The following CHRM3 variants were observed in gnomAD, a reference collection of about 807,000 sequenced individuals.
The protein encoded by CHRM3 is cholinergic receptor muscarinic 3.
CHRM3 carries 11 observed loss-of-function variants against 41.8 expected under a neutral mutation model. That is an observed-to-expected ratio of 0.26 (90% confidence interval 0.17 to 0.44). The LOEUF is 0.44. Among genes scored for constraint, CHRM3 ranks in the 20% least tolerant of loss-of-function variants. CHRM3 has a pLI of 1.00. For synonymous variants in CHRM3, 297 were observed against 301.4 expected (o/e 0.99, Z 0.15); for missense variants, 571 against 745.4 (o/e 0.77, Z 2.72).
rs1403398015 is a variant in CHRM3 at position 239,821,400 on chromosome 1, T to C, written c.-146-5852T>C. 2.0e-5 allele frequency among the ~76,000 whole-genome samples: 3 copies of C among 152,238 alleles called. No homozygotes were observed. In the East Asian group the frequency reaches 5.8e-4, roughly 29 times the overall value. ...GGCAAAACCACCTTGCTTTCTTTAC[T>C]TTGACATCAATGCTGGTCTTTAAGT... On this transcript the variant is annotated intron_variant, in intron 5 of 6. Transcript: ENST00000676153.
intron 4 of CHRM3, among the ~76,000 whole-genome samples, chr1:239,637,063 A>G (rs879508636): frequency 3.9e-5 from 6 of 152,220 alleles, no homozygotes; most frequent in Non-Finnish European, 8.8e-5. Flanking sequence ...AATAGTAAGT[A>G]TTGAATTTAT....
intron 1 of CHRM3, among the ~76,000 whole-genome samples, chr1:239,446,002 A>G (rs1010036478): frequency 1.3e-5 from 2 of 151,962 alleles, no homozygotes; most frequent in Admixed American, 1.3e-4. Flanking sequence ...CAGTCACGCA[A>G]TCTCGGCTCA....
At chr1:239,725,277 A>G (rs1663331590) in intron 5 of CHRM3, among the ~76,000 whole-genome samples, 3 of 152,080 alleles carry the variant, frequency 2.0e-5, no homozygotes, top group Non-Finnish European at 4.4e-5. Flanking sequence ...TGGGAAACAT[A>G]AATACCTGTA....
At chr1:239,388,647 C>A (rs985843462) in intron 1 of CHRM3, among the ~76,000 whole-genome samples, 1 of 152,122 alleles carries the variant, frequency 6.6e-6, no homozygotes, top group Non-Finnish European at 1.5e-5. Flanking sequence ...AGTGGTAGCA[C>A]GTTAATAAAA....
intron 1 of CHRM3, among the ~76,000 whole-genome samples, chr1:239,437,632 G>T (rs1364189079): frequency 1.3e-5 from 2 of 152,148 alleles, no homozygotes; most frequent in East Asian, 3.9e-4. Flanking sequence ...TGCCTCCCGA[G>T]TTCAAGCGAT....
chr1:239,827,025 G>T (rs1445609725), intron 5 of CHRM3: 1 of 152,140 alleles, frequency 6.6e-6, no homozygotes, highest in African/African-American at 2.4e-5. Flanking sequence ...AGCAAGAGTG[G>T]CACGCTGCAA....
intron 1 of CHRM3, among the ~76,000 whole-genome samples, chr1:239,474,836 C>T (rs1572423515): frequency 6.6e-6 from 1 of 152,034 alleles, no homozygotes; most frequent in Non-Finnish European, 1.5e-5. Context: ...ATGATTTTTA[C>T]TGAAGAGTAA....
At chr1:239,494,056 A>G (rs1426298533) in intron 2 of CHRM3, among the ~76,000 whole-genome samples, 1 of 152,126 alleles carries the variant, frequency 6.6e-6, no homozygotes, top group Non-Finnish European at 1.5e-5. Flanking sequence ...ATTTATACTT[A>G]CTTATATTCA....
chr1:239,720,829 G>A (rs1055042197), intron 5 of CHRM3, among the ~76,000 whole-genome samples: 5 of 151,850 alleles, frequency 3.3e-5, no homozygotes, highest in Non-Finnish European at 5.9e-5. Context: ...GAAAATAAGA[G>A]CAAGTGATAG....
intron 5 of CHRM3, among the ~76,000 whole-genome samples, chr1:239,813,759 T>C (rs1671314391): frequency 8.3e-6 from 1 of 119,828 alleles, no homozygotes; most frequent in African/African-American, 3.8e-5. Flanking sequence ...CTACTAAAAA[T>C]ACAAAAAATT....
chr1:239,560,663 T>C (rs1660769060), intron 3 of CHRM3, among the ~76,000 whole-genome samples: 1 of 152,084 alleles, frequency 6.6e-6, no homozygotes, highest in Non-Finnish European at 1.5e-5. Flanking sequence ...CAACTTTAAA[T>C]ATATATGTGT....
chr1:239,865,252 A>G (rs1289912198), intron 6 of CHRM3, among the ~76,000 whole-genome samples: 2 of 152,224 alleles, frequency 1.3e-5, no homozygotes, highest in Non-Finnish European at 2.9e-5. Context: ...GTTTGTGTAC[A>G]GCACACTCCA....
chr1:239,653,712 G>A (rs918393248), intron 4 of CHRM3, among the ~76,000 whole-genome samples: 5 of 152,170 alleles, frequency 3.3e-5, no homozygotes, highest in Non-Finnish European at 7.3e-5. Flanking sequence ...CAGACAAGTA[G>A]GCATAGAGGA....
intron 5 of CHRM3, among the ~76,000 whole-genome samples, chr1:239,755,764 G>A (rs1287661537): frequency 2.0e-5 from 3 of 152,114 alleles, no homozygotes; most frequent in Non-Finnish European, 4.4e-5. Flanking sequence ...TAACCATACT[G>A]GAGCAAGCCA....
At chr1:239,469,745 G>A (rs1665984000) in intron 1 of CHRM3, among the ~76,000 whole-genome samples, 1 of 152,026 alleles carries the variant, frequency 6.6e-6, no homozygotes, top group Non-Finnish European at 1.5e-5. Flanking sequence ...TTAGTAGAGA[G>A]GTGGTTTCAC....
intron 4 of CHRM3, among the ~76,000 whole-genome samples, chr1:239,643,346 A>G (rs941537734): frequency 2.0e-5 from 3 of 152,098 alleles, no homozygotes; most frequent in Non-Finnish European, 2.9e-5. Flanking sequence ...CTATCTTTTT[A>G]TTTGTCTGTG....
chr1:239,686,994 T>C (rs560471236), intron 5 of CHRM3, among the ~76,000 whole-genome samples: 1 of 152,274 alleles, frequency 6.6e-6, no homozygotes, highest in South Asian at 2.1e-4. Flanking sequence ...CTTTAAAATA[T>C]ATGATGCTCT....
At chr1:239,407,117 C>A (rs1339476582) in intron 1 of CHRM3, among the ~76,000 whole-genome samples, 1 of 152,108 alleles carries the variant, frequency 6.6e-6, no homozygotes, top group Non-Finnish European at 1.5e-5. Flanking sequence ...TGCCTCAGAG[C>A]CTTTACACTT....
intron 4 of CHRM3, among the ~76,000 whole-genome samples, chr1:239,647,392 T>C (rs1671831989): frequency 6.6e-6 from 1 of 152,222 alleles, no homozygotes; most frequent in African/African-American, 2.4e-5. Flanking sequence ...TTTTCGTGGA[T>C]TCGAAGGAAC....
Sources: gnomAD v4.1 joint callset for allele counts (sites outside exome capture counted in the v4.1 genomes callset) on GRCh38, gnomAD v4.1.1 for gene constraint, MANE v1.5 for transcripts, NCBI Gene and HGNC (gene_info 2026-07-23, HGNC 2026-07-21) for gene names.